The following TULP4 variants were observed in gnomAD, a reference collection of about 807,000 sequenced individuals.
TULP4 encodes the protein tubby-related protein 4.
TULP4 carries 16 observed loss-of-function variants against 129.0 expected under a neutral mutation model. That is an observed-to-expected ratio of 0.12 (90% CI 0.08 to 0.19). The LOEUF is 0.19. Ranked by LOEUF, TULP4 falls within the 10% of genes least tolerant of loss-of-function variation. TULP4 has a pLI of 1.00. For synonymous variants in TULP4, 998 were observed against 854.0 expected (o/e 1.17, Z -2.94); for missense variants, 1,842 against 2,059.1 (o/e 0.89, Z 2.04).
intron 6 of TULP4, among the ~76,000 whole-genome samples, chr6:158,464,819 CAG>C (rs775273943): frequency 2.0e-5 from 3 of 152,180 alleles, no homozygotes; most frequent in Non-Finnish European, 2.9e-5. Context: ...TCTCCTGAAT[CAG>C]GAAAAGACCT....
upstream of TULP4, chr6:158,312,067 G>C (rs557459175): frequency 2.5e-6 from 1 of 396,078 alleles, no homozygotes; most frequent in African/African-American, 2.1e-5. Flanking sequence ...AAGACTCCAG[G>C]GCCTCCCAGC....
chr6:158,444,219 CAAAAAAA>C (rs71030171), intron 3 of TULP4, among the ~76,000 whole-genome samples: 1 of 34,130 alleles, frequency 2.9e-5, no homozygotes, highest in Non-Finnish European at 5.0e-5. Context: ...GACTCTGTCT[CAAAAAAA>C]AAAAAAAAAA....
At chr6:158,258,741 A>G (rs1778294638) in intron 1 of TULP4, among the ~76,000 whole-genome samples, 1 of 152,248 alleles carries the variant, frequency 6.6e-6, no homozygotes, top group South Asian at 2.1e-4. Flanking sequence ...AAATCCTTCA[A>G]GATTGAAAAT....
At chr6:158,397,044 G>A (rs1358033299) in intron 1 of TULP4, among the ~76,000 whole-genome samples, 2 of 152,198 alleles carry the variant, frequency 1.3e-5, no homozygotes, top group African/African-American at 4.8e-5. Flanking sequence ...ATTTTCAATA[G>A]TAAGGTGAAT....
chr6:158,328,079 G>GGGGTGT (rs1779785107), intron 1 of TULP4, among the ~76,000 whole-genome samples: 2 of 120,582 alleles, frequency 1.7e-5, no homozygotes, highest in African/African-American at 6.4e-5. Flanking sequence ...TCTCAGAGCT[G>GGGGTGT]GTGTGTGTGT....
At chr6:158,330,652 T>C (rs1779857193) in intron 1 of TULP4, among the ~76,000 whole-genome samples, 1 of 152,232 alleles carries the variant, frequency 6.6e-6, no homozygotes, top group Non-Finnish European at 1.5e-5. Flanking sequence ...AAATTTAACG[T>C]CAATTCAATA....
chr6:158,255,946 C>G (rs893753249), intron 1 of TULP4, among the ~76,000 whole-genome samples: 1 of 152,178 alleles, frequency 6.6e-6, no homozygotes, highest in African/African-American at 2.4e-5. Flanking sequence ...TGGGAGAGAT[C>G]CCTTTTCTTG....
At chr6:158,242,779 T>C in intron 1 of TULP4, 1 of 385,538 alleles carries the variant, frequency 2.6e-6, no homozygotes, top group Non-Finnish European at 4.9e-6. Context: ...TTCACTTCAC[T>C]CCACACAGCA....
At chr6:158,465,214 G>A (rs1222504636) in intron 6 of TULP4, among the ~76,000 whole-genome samples, 1 of 152,144 alleles carries the variant, frequency 6.6e-6, no homozygotes, top group Non-Finnish European at 1.5e-5. Context: ...GGCCCATTCC[G>A]TAGGTTGGGT....
At chr6:158,322,170 C>G (rs563226374) in intron 1 of TULP4, among the ~76,000 whole-genome samples, 1 of 152,316 alleles carries the variant, frequency 6.6e-6, no homozygotes, top group East Asian at 1.9e-4. Flanking sequence ...GAAAAGTTGA[C>G]TCATTTTGGA....
intron 3 of TULP4, among the ~76,000 whole-genome samples, chr6:158,440,317 CAAAAA>C (rs34200003): frequency 1.4e-4 from 12 of 86,026 alleles, no homozygotes; most frequent in South Asian, 5.4e-4. Context: ...GTCCCTGTCT[CAAAAA>C]AAAAAAAAAA....
In TULP4 at chr6:158,446,465, T is replaced by C. The variant is rs144310644; in HGVS notation, c.544-2531T>C. Among the ~76,000 whole-genome samples the C allele has an allele frequency of 5.6e-4, 86 of 152,364 alleles. 1 individual carries two copies. The highest frequency in any genetic ancestry group is 1.9e-3 in the African/African-American group (79 of 41,598). On this transcript the variant is annotated intron_variant, in intron 3 of 13. Transcript: ENST00000367097. ...TTAATCAGTCCTTATTCAGGAATTA[T>C]ATGTATGTTCTTTCATCTGTCCTTT...
chr6:158,347,012 A>G (rs374408441), intron 1 of TULP4, among the ~76,000 whole-genome samples: 4 of 152,204 alleles, frequency 2.6e-5, no homozygotes, highest in African/African-American at 9.7e-5. Flanking sequence ...TTTCCCTGGC[A>G]AATCACTTTT....
intron 1 of TULP4, among the ~76,000 whole-genome samples, chr6:158,400,754 C>T (rs1049545693): frequency 2.0e-5 from 3 of 152,220 alleles, no homozygotes; most frequent in Admixed American, 6.5e-5. Flanking sequence ...ACAACTCAGA[C>T]GCACACCTAC....
At chr6:158,402,936 G>A (rs1777889087) in intron 1 of TULP4, among the ~76,000 whole-genome samples, 1 of 144,572 alleles carries the variant, frequency 6.9e-6, no homozygotes, top group Admixed American at 7.2e-5. Context: ...AATAACAACC[G>A]ATAACAGCAC....
At chr6:158,292,431 T>A (rs968574367) in intron 1 of TULP4, among the ~76,000 whole-genome samples, 2 of 152,210 alleles carry the variant, frequency 1.3e-5, no homozygotes, top group African/African-American at 4.8e-5. Flanking sequence ...TGTTTATGTG[T>A]ATGTGCCTTC....
chr6:158,249,420 T>C (rs1778096110), intron 1 of TULP4, among the ~76,000 whole-genome samples: 1 of 152,186 alleles, frequency 6.6e-6, no homozygotes. Flanking sequence ...TTTTTAATAC[T>C]GGGACAGAAG....
intron 3 of TULP4, among the ~76,000 whole-genome samples, chr6:158,444,004 G>A (rs546355352): frequency 6.6e-6 from 1 of 152,034 alleles, no homozygotes; most frequent in East Asian, 1.9e-4. Context: ...CGGATCACAA[G>A]GTCAGGAGAT....
Position 158,493,668 on chromosome 6 carries a change from G to A in TULP4, c.1727G>A (p.Gly576Asp), listed in dbSNP as rs751618718. The A allele has an allele frequency of 5.0e-6, 8 of 1,596,768 alleles. No homozygotes were observed. The East Asian group carries it at 1.9e-4, about 37-fold the overall frequency. ...PRLPLRKPSV[G>D]SPSLTRREFP... is the part of the protein sequence containing the mutation. ...TTGCCCCTGCGCAAGCCCTCTGTGG[G>A]CTCGCCCAGCCTGACTCGGAGAGAG... Residue 576 changes from glycine (G) to aspartate (D), a missense_variant, in exon 10 of 14, where the codon GGC becomes GAC. Gly to Asp is a moderately conservative substitution (Grantham distance 94, BLOSUM62 -1). Transcript: ENST00000367097. The surrounding 1 kb of genome is among the most constrained non-coding windows in gnomAD (Gnocchi z 4.4).
Sources: allele counts gnomAD v4.1 joint callset (sites outside exome capture counted in the v4.1 genomes callset), GRCh38; gene constraint gnomAD v4.1.1; non-coding constraint Gnocchi (gnomAD v3.1); transcripts MANE v1.5; gene names NCBI Gene and HGNC (gene_info 2026-07-23, HGNC 2026-07-21).